POFUT3: variants seen among roughly 807,000 people sequenced by gnomAD.
POFUT3 encodes protein O-fucosyltransferase 3, also known as GDP-fucose protein O-fucosyltransferase 3.
the POFUT3 span, among the ~76,000 whole-genome samples, chr8:33,310,583 C>T: frequency 3.3e-5 from 5 of 151,258 alleles, no homozygotes; most frequent in African/African-American, 7.3e-5. Context: ...CCCAGCTACT[C>T]GGGAGGCTGA....
the POFUT3 span, among the ~76,000 whole-genome samples, chr8:33,414,361 T>G: frequency 3.9e-5 from 6 of 152,282 alleles, no homozygotes; most frequent in South Asian, 1.0e-3. Flanking sequence ...GTTCTTTCAG[T>G]TCATTCATTC....
At chr8:33,394,274 G>A in the POFUT3 span, 2 of 177,820 alleles carry the variant, frequency 1.1e-5, no homozygotes, top group Non-Finnish European at 2.4e-5. Flanking sequence ...AGGTAAAAAG[G>A]GGGAAAGAGA....
chr8:33,395,065 T>G, the POFUT3 span, among the ~76,000 whole-genome samples: 1 of 152,156 alleles, frequency 6.6e-6, no homozygotes, highest in African/African-American at 2.4e-5. Flanking sequence ...CCTGGACAAC[T>G]GGCTTGCAAT....
the POFUT3 span, chr8:33,377,688 T>C: frequency 5.3e-5 from 8 of 152,190 alleles, no homozygotes; most frequent in African/African-American, 1.7e-4. Context: ...TCTGATGAAG[T>C]AGTTATGACA....
the POFUT3 span, among the ~76,000 whole-genome samples, chr8:33,318,630 A>T: frequency 1.1e-5 from 1 of 87,886 alleles, no homozygotes; most frequent in Non-Finnish European, 1.9e-5. Flanking sequence ...TATTTATATA[A>T]TATATAAATA....
chr8:33,315,926 T>C, the POFUT3 span, among the ~76,000 whole-genome samples: 1 of 152,174 alleles, frequency 6.6e-6, no homozygotes, highest in Non-Finnish European at 1.5e-5. Context: ...ATGTTTATGT[T>C]ATAGTTAGAG....
the POFUT3 span, among the ~76,000 whole-genome samples, chr8:33,376,732 G>A: frequency 2.7e-4 from 41 of 152,316 alleles, no homozygotes; most frequent in African/African-American, 9.9e-4. Context: ...AAGTTCAAAG[G>A]ACCAAAGGTA....
At chr8:33,431,689 G>A in the POFUT3 span, among the ~76,000 whole-genome samples, 20 of 147,048 alleles carry the variant, frequency 1.4e-4, no homozygotes, top group South Asian at 3.3e-3. Context: ...TGGAAACTTT[G>A]TTACAGGGCT....
chr8:33,438,370 G>A, the POFUT3 span, among the ~76,000 whole-genome samples: 7 of 152,310 alleles, frequency 4.6e-5, no homozygotes, highest in African/African-American at 1.7e-4. Context: ...TTGAGCCCAG[G>A]AGTTCAAGAC....
the POFUT3 span, among the ~76,000 whole-genome samples, chr8:33,409,822 G>T: frequency 6.6e-6 from 1 of 152,150 alleles, no homozygotes; most frequent in Admixed American, 6.5e-5. Context: ...GGAGAATGGC[G>T]TGAACCCATG....
chr8:33,401,994 C>A, the POFUT3 span, among the ~76,000 whole-genome samples: 1 of 152,008 alleles, frequency 6.6e-6, no homozygotes, highest in Non-Finnish European at 1.5e-5. Context: ...CCACCGCACT[C>A]CAGCCTGGGT....
chr8:33,322,981 C>T, the POFUT3 span, among the ~76,000 whole-genome samples: 1 of 151,910 alleles, frequency 6.6e-6, no homozygotes, highest in Admixed American at 6.6e-5. Context: ...TTTTGCCACC[C>T]AAGCTTATCT....
the POFUT3 span, among the ~76,000 whole-genome samples, chr8:33,393,093 T>C: frequency 2.0e-5 from 3 of 152,156 alleles, no homozygotes; most frequent in Non-Finnish European, 4.4e-5. Flanking sequence ...CTAAAAGGTA[T>C]TGGATGTGGC....
At chr8:33,461,262 C>CAGCAA in the POFUT3 span, 5 of 1,149,006 alleles carry the variant, frequency 4.4e-6, no homozygotes, top group East Asian at 1.3e-4. Flanking sequence ...TGATCCTGAA[C>CAGCAA]ACCCCTGATT....
At chr8:33,403,671 A>G in the POFUT3 span, among the ~76,000 whole-genome samples, 1 of 152,184 alleles carries the variant, frequency 6.6e-6, no homozygotes, top group Admixed American at 6.5e-5. Flanking sequence ...GCAGTGAGCA[A>G]TGACTATACC....
the POFUT3 span, among the ~76,000 whole-genome samples, chr8:33,465,784 A>G: frequency 2.0e-5 from 3 of 152,142 alleles, no homozygotes; most frequent in Non-Finnish European, 4.4e-5. Flanking sequence ...CCACAGGATC[A>G]TATTTTTTAA....
At chr8:33,435,467 C>T in the POFUT3 span, among the ~76,000 whole-genome samples, 1 of 151,734 alleles carries the variant, frequency 6.6e-6, no homozygotes, top group African/African-American at 2.4e-5. Flanking sequence ...CTGCCCACCT[C>T]GGCCTCCCAA....
At chr8:33,401,313 C>T in the POFUT3 span, among the ~76,000 whole-genome samples, 1 of 151,988 alleles carries the variant, frequency 6.6e-6, no homozygotes, top group Non-Finnish European at 1.5e-5. Context: ...GTCAAATGGT[C>T]ATTAAATGGT....
the POFUT3 span, among the ~76,000 whole-genome samples, chr8:33,365,802 TTGG>T: frequency 3.3e-5 from 5 of 151,966 alleles, no homozygotes; most frequent in African/African-American, 1.2e-4. Flanking sequence ...TTTTACACTG[TTGG>T]TGGGAGTGTA....
Sources: allele counts gnomAD v4.1 joint callset (sites outside exome capture counted in the v4.1 genomes callset), GRCh38; gene constraint gnomAD v4.1.1; transcripts MANE v1.5; gene names NCBI Gene and HGNC (gene_info 2026-07-23, HGNC 2026-07-21).